The following THSD7B variants were observed in gnomAD, a reference collection of about 807,000 sequenced individuals.
The protein encoded by THSD7B is thrombospondin type-1 domain-containing protein 7B.
Under a neutral mutation model 213.6 loss-of-function variants are expected in THSD7B, and 138 were observed. The ratio of observed to expected loss-of-function variants is 0.65; its 90% CI spans 0.56 to 0.74. THSD7B has a LOEUF of 0.74. Ranked by LOEUF, THSD7B falls within the 30% of genes least tolerant of loss-of-function variation. The pLI, the probability that THSD7B is intolerant of heterozygous loss-of-function variation, is 0.00. For synonymous variants in THSD7B, 742 were observed against 687.0 expected (o/e 1.08, Z -1.25); for missense variants, 1,931 against 1,991.5 (o/e 0.97, Z 0.58).
At chr2:136,937,814 A>G (rs1298096920) in intron 2 of THSD7B, among the ~76,000 whole-genome samples, 1 of 152,182 alleles carries the variant, frequency 6.6e-6, no homozygotes, top group African/African-American at 2.4e-5. Flanking sequence ...CTTCCTTTGC[A>G]GTTGAAGAGA....
chr2:137,365,425 A>G (rs1008035782), intron 12 of THSD7B, among the ~76,000 whole-genome samples: 2 of 152,238 alleles, frequency 1.3e-5, no homozygotes, highest in Admixed American at 1.3e-4. Context: ...TCTGCACAGC[A>G]AAAGAAACTA....
At chr2:136,985,668 T>A (rs1558877096) in intron 2 of THSD7B, among the ~76,000 whole-genome samples, 2 of 152,202 alleles carry the variant, frequency 1.3e-5, no homozygotes, top group African/African-American at 2.4e-5. Flanking sequence ...AGTGTGAGGC[T>A]GGAGCCCCCA....
intron 1 of THSD7B, among the ~76,000 whole-genome samples, chr2:136,787,827 G>C (rs928531327): frequency 4.1e-5 from 3 of 72,426 alleles, no homozygotes; most frequent in Non-Finnish European, 9.5e-5. Context: ...ACTTTTAAGA[G>C]CCATTGTGTA....
intron 3 of THSD7B, among the ~76,000 whole-genome samples, chr2:137,071,561 A>G: frequency 6.6e-6 from 1 of 152,110 alleles, no homozygotes; most frequent in African/African-American, 2.4e-5. Context: ...CTTTAGTTTA[A>G]TTAGATCCCA....
chr2:137,314,139 T>C (rs1374218159), intron 12 of THSD7B, among the ~76,000 whole-genome samples: 4 of 152,224 alleles, frequency 2.6e-5, no homozygotes, highest in Admixed American at 2.0e-4. Flanking sequence ...CACTTTCAGG[T>C]ACACCAATCA....
intron 7 of THSD7B, among the ~76,000 whole-genome samples, chr2:137,216,380 AT>A (rs939466692): frequency 9.5e-5 from 14 of 147,086 alleles, no homozygotes; most frequent in South Asian, 2.1e-4. Context: ...GGCTTTCCTT[AT>A]TTTCAGGCAA....
chr2:136,786,844 C>T (rs566790444), intron 1 of THSD7B, among the ~76,000 whole-genome samples: 1 of 152,180 alleles, frequency 6.6e-6, no homozygotes, highest in East Asian at 1.9e-4. Context: ...ATAATTTTAG[C>T]ACCATTTAAA....
intron 20 of THSD7B, among the ~76,000 whole-genome samples, chr2:137,637,219 T>C (rs1682849892): frequency 6.6e-6 from 1 of 152,244 alleles, no homozygotes; most frequent in Admixed American, 6.5e-5. Flanking sequence ...CCAAGTAATA[T>C]TGACCACTAA....
chr2:136,830,422 C>T (rs1213544221), intron 1 of THSD7B, among the ~76,000 whole-genome samples: 1 of 117,454 alleles, frequency 8.5e-6, no homozygotes, highest in Non-Finnish European at 1.9e-5. Flanking sequence ...TATGTTTTTC[C>T]AAGTACTCAG....
intron 17 of THSD7B, among the ~76,000 whole-genome samples, chr2:137,582,732 T>C (rs1681609178): frequency 1.3e-5 from 2 of 152,164 alleles, no homozygotes; most frequent in Non-Finnish European, 1.5e-5. Context: ...CTTAATCCAG[T>C]CTATCATTGT....
intron 10 of THSD7B, among the ~76,000 whole-genome samples, chr2:137,249,500 C>T (rs775232111): frequency 2.0e-5 from 3 of 151,944 alleles, no homozygotes; most frequent in Admixed American, 6.6e-5. Flanking sequence ...TCAGTCCAGA[C>T]TCTTTCCTCT....
intron 1 of THSD7B, among the ~76,000 whole-genome samples, chr2:136,881,273 T>G (rs983296933): frequency 6.6e-6 from 1 of 152,194 alleles, no homozygotes; most frequent in African/African-American, 2.4e-5. Flanking sequence ...TTTGGACTTG[T>G]TGTGTATGCA....
At chr2:137,397,708 G>C (rs550315952) in intron 12 of THSD7B, among the ~76,000 whole-genome samples, 3 of 152,048 alleles carry the variant, frequency 2.0e-5, no homozygotes, top group East Asian at 1.9e-4. Flanking sequence ...CTGAACGTTG[G>C]CCTGCCTTGC....
intron 3 of THSD7B, among the ~76,000 whole-genome samples, chr2:137,081,888 A>C (rs1687753336): frequency 6.6e-6 from 1 of 152,016 alleles, no homozygotes; most frequent in Non-Finnish European, 1.5e-5. Context: ...TGTTGCTGGT[A>C]GTGGTGATAG....
At chr2:137,653,216 AT>A (rs946548755) in intron 21 of THSD7B, among the ~76,000 whole-genome samples, 2 of 151,552 alleles carry the variant, frequency 1.3e-5, no homozygotes, top group African/African-American at 4.9e-5. Flanking sequence ...TGGGCAGTGG[AT>A]TTTTTTTCTT....
At chr2:136,977,534 T>C (rs1685500067) in intron 2 of THSD7B, among the ~76,000 whole-genome samples, 1 of 152,162 alleles carries the variant, frequency 6.6e-6, no homozygotes, top group Admixed American at 6.5e-5. Context: ...GTTCTCTAGT[T>C]CTTTTAGTTG....
At chr2:137,343,325 C>T (rs1035668152) in intron 12 of THSD7B, among the ~76,000 whole-genome samples, 1 of 151,474 alleles carries the variant, frequency 6.6e-6, no homozygotes, top group African/African-American at 2.4e-5. Flanking sequence ...TTAGTCTGTT[C>T]AAATTTTCTG....
intron 2 of THSD7B, among the ~76,000 whole-genome samples, chr2:137,018,376 T>C (rs778703807): frequency 1.2e-4 from 18 of 152,126 alleles, no homozygotes; most frequent in Non-Finnish European, 2.1e-4. Flanking sequence ...AACAAAGATG[T>C]TAGCAGGTGC....
chr2:137,524,792 C>T (rs1043237202), intron 15 of THSD7B, among the ~76,000 whole-genome samples: 1 of 152,148 alleles, frequency 6.6e-6, no homozygotes, highest in African/African-American at 2.4e-5. Flanking sequence ...GTCCAGCTCA[C>T]CAGCTGTTCT....
Sources: allele counts gnomAD v4.1 joint callset (sites outside exome capture counted in the v4.1 genomes callset), GRCh38; gene constraint gnomAD v4.1.1; transcripts MANE v1.5; gene names NCBI Gene and HGNC (gene_info 2026-07-23, HGNC 2026-07-21).